Variants in ZRANB3 observed in about 807,000 individuals in gnomAD.
ZRANB3 encodes the protein DNA annealing helicase and endonuclease ZRANB3.
In ZRANB3, 125 loss-of-function variants were observed where a neutral mutation model predicts 133.8. That is an observed-to-expected ratio of 0.93 (90% confidence interval 0.81 to 1.08). ZRANB3 has a LOEUF of 1.08. ZRANB3 is among the 50% of genes least tolerant of loss of function. The probability of loss-of-function intolerance (pLI) is 0.00; values close to 1 mark genes in which losing one functional copy is unlikely to be tolerated. For missense variants in ZRANB3, 1,229 were observed against 1,275.5 expected, an observed-to-expected ratio of 0.96 and a Z score of 0.56; for synonymous variants, 387 against 432.7, an observed-to-expected ratio of 0.89 and a Z score of 1.31.
chr2:135,308,686 G>A (rs963674437), intron 8 of ZRANB3, among the ~76,000 whole-genome samples: 10 of 151,860 alleles, frequency 6.6e-5, no homozygotes, highest in African/African-American at 2.4e-4. Context: ...GCCTGATCTC[G>A]AACTCCTAAG....
chr2:135,487,671 G>C (rs1268046457), intron 2 of ZRANB3, among the ~76,000 whole-genome samples: 1 of 152,054 alleles, frequency 6.6e-6, no homozygotes, highest in African/African-American at 2.4e-5. Flanking sequence ...AACCTCTTTA[G>C]CTTCAAATTT....
intron 10 of ZRANB3, 68 bp downstream of exon 10, chr2:135,271,700 A>G: frequency 6.6e-7 from 1 of 1,519,794 alleles, no homozygotes; most frequent in South Asian, 1.3e-5. Context: ...AACCAAAGTT[A>G]TAGTGAATGG....
At chr2:135,244,890 C>T (rs947987436) in intron 12 of ZRANB3, among the ~76,000 whole-genome samples, 1 of 152,138 alleles carries the variant, frequency 6.6e-6, no homozygotes, top group Non-Finnish European at 1.5e-5. Context: ...TTACTTCTGC[C>T]ATTATGGTAG....
rs1412534069 is a variant in ZRANB3, at chr2:135,336,502, TGAGTTAG to T, written c.677+9041_677+9047del. Among the ~76,000 whole-genome samples the T allele has an allele frequency of 1.0e-3, 153 of 152,312 alleles. 1 individual carries two copies. Among genetic ancestry groups the T allele is most frequent in the African/African-American group, 3.5e-3 (145 of 41,576 alleles). On this transcript the variant is annotated intron_variant, in intron 6 of 20. Transcript: ENST00000264159. The stretch of plus-strand genomic sequence containing the variant: ...TAAAATGCCAGGAAGTGACTTGAGC[TGAGTTAG>T]AGTCTATGGAACCATAGTGCTTTCA...
intron 2 of ZRANB3, among the ~76,000 whole-genome samples, chr2:135,398,154 C>T (rs1687582945): frequency 6.6e-6 from 1 of 151,982 alleles, no homozygotes; most frequent in Admixed American, 6.6e-5. Flanking sequence ...CAAGCTCTGC[C>T]TCCCGGGTTC....
chr2:135,407,387 G>T (rs933354092), intron 2 of ZRANB3, among the ~76,000 whole-genome samples: 2 of 151,768 alleles, frequency 1.3e-5, no homozygotes, highest in Non-Finnish European at 2.9e-5. Context: ...CGTGAAAATG[G>T]CCATACTGCC....
At position 135,471,625 on chromosome 2, in the gene ZRANB3, AT is replaced by A. The variant is rs564633672; in HGVS notation, c.161+32703del. Reference sequence around the variant, plus strand: ...TGTAAAGAAAGGTAATTAGGCAGTGATTTTGCAACTATATATTTACTGGGGA... The same window carrying A: ...TGTAAAGAAAGGTAATTAGGCAGTGATTTGCAACTATATATTTACTGGGGA... On this transcript the variant is annotated intron_variant, in intron 2 of 20. Coordinates refer to ENST00000264159, the MANE Select transcript of ZRANB3 (RefSeq NM_032143.4). Among the ~76,000 whole-genome samples, 452 of 152,322 alleles carry A rather than the reference AT, an allele frequency of 3.0e-3. 1 individual carries two copies. Among genetic ancestry groups the A allele is most frequent in the African/African-American group, 0.01 (428 of 41,560 alleles).
chr2:135,370,787 T>G (rs1686142732), intron 3 of ZRANB3, among the ~76,000 whole-genome samples: 1 of 152,204 alleles, frequency 6.6e-6, no homozygotes. Context: ...CACCCAAATC[T>G]CACCTTGAAT....
At chr2:135,431,998 C>T (rs1689344773) in intron 2 of ZRANB3, among the ~76,000 whole-genome samples, 1 of 152,138 alleles carries the variant, frequency 6.6e-6, no homozygotes, top group African/African-American at 2.4e-5. Flanking sequence ...TGCCTGTAAT[C>T]CCAGCACTTT....
chr2:135,465,885 A>C (rs927661962), intron 2 of ZRANB3, among the ~76,000 whole-genome samples: 1 of 152,262 alleles, frequency 6.6e-6, no homozygotes, highest in African/African-American at 2.4e-5. Context: ...TGCCAAAAGA[A>C]GACATTTATG....
rs942358873 is a variant in ZRANB3, at chr2:135,265,659, C to A, written c.1414G>T (p.Gly472Cys). 1 of 1,613,464 alleles carries A rather than the reference C, an allele frequency of 6.2e-7. No homozygotes were observed. Among genetic ancestry groups the A allele is most frequent in the South Asian group, 1.1e-5 (1 of 90,966 alleles). Residue 472 changes from glycine to cysteine, a missense_variant, in exon 12 of 21, where the codon GGT becomes TGT. Coordinates refer to ENST00000264159, the MANE Select transcript of ZRANB3 (RefSeq NM_032143.4). Reference protein sequence around the residue: ...KAQVTGSTLNGRKEKIQAEEG... With the variant: ...KAQVTGSTLNCRKEKIQAEEG... Reference sequence around the variant, plus strand: ...TCAGCCTGAATTTTTTCTTTCCTACCGTTCAGTGTGCTCCCTGTAACTTGA... The same window carrying A: ...TCAGCCTGAATTTTTTCTTTCCTACAGTTCAGTGTGCTCCCTGTAACTTGA...
chr2:135,387,349 A>G (rs565021550), intron 3 of ZRANB3, among the ~76,000 whole-genome samples: 6 of 152,382 alleles, frequency 3.9e-5, no homozygotes, highest in African/African-American at 1.2e-4. Flanking sequence ...AGAGAAGGAA[A>G]ACCATATTAG....
At chr2:135,516,713 T>C (rs1253089279) in intron 1 of ZRANB3, among the ~76,000 whole-genome samples, 1 of 152,194 alleles carries the variant, frequency 6.6e-6, no homozygotes, top group African/African-American at 2.4e-5. Flanking sequence ...CATTTTTTCC[T>C]TCATTTCAAC....
chr2:135,274,866 G>A (rs1011873388), intron 9 of ZRANB3, among the ~76,000 whole-genome samples: 2 of 152,144 alleles, frequency 1.3e-5, no homozygotes, highest in African/African-American at 4.8e-5. Context: ...GTTTAACAAA[G>A]CACATCTTGC....
At chr2:135,414,625 C>A (rs1240160922) in intron 2 of ZRANB3, among the ~76,000 whole-genome samples, 2 of 152,170 alleles carry the variant, frequency 1.3e-5, no homozygotes, top group African/African-American at 4.8e-5. Flanking sequence ...CTACAGAACT[C>A]TCCATCCCAA....
chr2:135,433,202 C>T (rs1460357668), intron 2 of ZRANB3, among the ~76,000 whole-genome samples: 1 of 152,072 alleles, frequency 6.6e-6, no homozygotes, highest in African/African-American at 2.4e-5. Flanking sequence ...GCCTGGGCAA[C>T]ATAGTGAAAC....
intron 6 of ZRANB3, among the ~76,000 whole-genome samples, chr2:135,342,671 T>C (rs1684731073): frequency 1.3e-5 from 2 of 149,176 alleles, no homozygotes; most frequent in Admixed American, 1.3e-4. Flanking sequence ...TATCCTCTTA[T>C]TGTTCTTTTG....
chr2:135,464,060 A>C (rs572088472), intron 2 of ZRANB3, among the ~76,000 whole-genome samples: 2 of 152,352 alleles, frequency 1.3e-5, no homozygotes, highest in East Asian at 3.9e-4. Flanking sequence ...CAGGTTGAAT[A>C]GTAAAATCTC....
At chr2:135,273,345 T>C (rs146937129) in intron 9 of ZRANB3, among the ~76,000 whole-genome samples, 14 of 152,254 alleles carry the variant, frequency 9.2e-5, no homozygotes, top group African/African-American at 3.4e-4. Flanking sequence ...TAAGGGAATA[T>C]CCAAGTTAAT....
Sources: allele counts gnomAD v4.1 joint callset (sites outside exome capture counted in the v4.1 genomes callset), GRCh38; gene constraint gnomAD v4.1.1; transcripts MANE v1.5; gene names NCBI Gene and HGNC (gene_info 2026-07-23, HGNC 2026-07-21).